SHISA6: variants seen among roughly 807,000 people sequenced by gnomAD.
SHISA6 encodes protein shisa-6.
SHISA6 carries 22 observed loss-of-function variants against 47.9 expected under a neutral mutation model. The ratio of observed to expected loss-of-function variants is 0.46; its 90% CI spans 0.33 to 0.66. SHISA6 has a LOEUF of 0.66. Ranked by LOEUF, SHISA6 falls within the 30% of genes least tolerant of loss-of-function variation. The pLI is 0.02. For missense variants in SHISA6, 680 were observed against 764.6 expected (o/e 0.89, Z 1.30); for synonymous variants, 388 against 337.8 (o/e 1.15, Z -1.63).
chr17:11,355,090 G>A (rs1281817826), intron 2 of SHISA6, among the ~76,000 whole-genome samples: 1 of 152,224 alleles, frequency 6.6e-6, no homozygotes, highest in East Asian at 1.9e-4. Context: ...TCACATGAGA[G>A]TGAAGCCCTT....
At chr17:11,394,772 A>G (rs973096080) in intron 3 of SHISA6, among the ~76,000 whole-genome samples, 1 of 152,008 alleles carries the variant, frequency 6.6e-6, no homozygotes, top group Non-Finnish European at 1.5e-5. Flanking sequence ...GAATTTTCCA[A>G]ATTTTAACAT....
At chr17:11,354,209 G>A (rs1468156001) in intron 2 of SHISA6, among the ~76,000 whole-genome samples, 2 of 152,180 alleles carry the variant, frequency 1.3e-5, no homozygotes, top group African/African-American at 4.8e-5. Context: ...AAATGTTGAT[G>A]TGCACAGGAA....
rs1914286426 is a variant in SHISA6, at chr17:11,416,505, C to T, written c.895+36996C>T. Among the ~76,000 whole-genome samples, 7 of 152,236 alleles carry T rather than the reference C, an allele frequency of 4.6e-5. No homozygotes were observed. In the South Asian group the frequency reaches 1.5e-3, roughly 32 times the overall value. ...GCAGAACTGTATGGATCTCAAAATC[C>T]ACTTATGAATATAATAATGTGTAGT... On this transcript the variant is annotated intron_variant, in intron 3 of 5. Transcript: ENST00000441885.
intron 2 of SHISA6, among the ~76,000 whole-genome samples, chr17:11,324,557 T>G (rs1910811588): frequency 6.6e-6 from 1 of 151,598 alleles, no homozygotes; most frequent in African/African-American, 2.4e-5. Flanking sequence ...GGACCTTGGG[T>G]GGTAGGCGGG....
chr17:11,279,625 A>G (rs1296867239), intron 2 of SHISA6, among the ~76,000 whole-genome samples: 2 of 152,048 alleles, frequency 1.3e-5, no homozygotes, highest in African/African-American at 2.4e-5. Context: ...GAGTCTTAGG[A>G]AGGCTGACTC....
chr17:11,383,273 T>G (rs2142248193), intron 3 of SHISA6, among the ~76,000 whole-genome samples: 1 of 152,198 alleles, frequency 6.6e-6, no homozygotes, highest in African/African-American at 2.4e-5. Context: ...AGAGGCAGCT[T>G]GGAGACAGAA....
chr17:11,324,320 A>C (rs1447695796), intron 2 of SHISA6, among the ~76,000 whole-genome samples: 1 of 152,184 alleles, frequency 6.6e-6, no homozygotes, highest in African/African-American at 2.4e-5. Context: ...TAGAAGGAAA[A>C]TTATCTGTGA....
At chr17:11,393,092 C>T (rs559045747) in intron 3 of SHISA6, among the ~76,000 whole-genome samples, 4 of 152,332 alleles carry the variant, frequency 2.6e-5, no homozygotes, top group South Asian at 4.1e-4. Context: ...ATGAGACATT[C>T]CTAGTCTTCA....
In SHISA6 at chr17:11,241,793, GCT is replaced by G; in HGVS notation, c.372_373del (p.Cys124Ter). 1 of 1,550,178 alleles carries G rather than the reference GCT, an allele frequency of 6.5e-7. No homozygotes were observed. The highest frequency in any genetic ancestry group is 8.7e-7 in the Non-Finnish European group (1 of 1,146,988). On this transcript the variant is annotated stop_gained and frameshift_variant, in exon 1 of 6. Coordinates refer to ENST00000441885, the MANE Select transcript of SHISA6 (RefSeq NM_207386.4). LOFTEE classifies it high-confidence loss of function. This position sits in a 1 kb window ranked among gnomAD's most constrained non-coding sequence, Gnocchi z 5.5. ...GGCTACCTGTACTGCTGCGGTACCTGCTACTACCGCTTCTGCTGCAAGAAGCG... is the reference window on the plus strand; with the variant it reads ...GGCTACCTGTACTGCTGCGGTACCTGACTACCGCTTCTGCTGCAAGAAGCG...
At chr17:11,484,635 G>A (rs2142333220) in intron 3 of SHISA6, among the ~76,000 whole-genome samples, 1 of 152,242 alleles carries the variant, frequency 6.6e-6, no homozygotes, top group Non-Finnish European at 1.5e-5. Context: ...CTGACCTCAA[G>A]TGATCCACCC....
At chr17:11,496,034 A>C (rs11870702) in intron 3 of SHISA6, among the ~76,000 whole-genome samples, 33 of 120,888 alleles carry the variant, frequency 2.7e-4, no homozygotes, top group African/African-American at 9.7e-4. Flanking sequence ...TCCATCCATC[A>C]CACAACAGAT....
rs1311671363 is a variant in SHISA6, at chr17:11,242,081, G to A, written c.638+21G>A. 3.9e-6 allele frequency: 6 copies of A among 1,548,644 alleles called. No individual in the cohort carries two copies. The East Asian group carries it at 9.8e-5, about 25-fold the overall frequency. On this transcript the variant is annotated intron_variant, in intron 1 of 5. Transcript: ENST00000441885. ...CACAGGTGAGAGCGCCGCGTGCCGC[G>A]CGCCCCGGTCTCCCCGCGGCCTCAC...
At position 11,427,115 on chromosome 17, in the gene SHISA6, T is replaced by G. The variant is rs779782025; in HGVS notation, c.895+47606T>G. On this transcript the variant is annotated intron_variant, in intron 3 of 5. Coordinates refer to ENST00000441885, the MANE Select transcript of SHISA6 (RefSeq NM_207386.4). ...GGTCAGAGACACCCAGAACAACCCC[T>G]CTTTCGTATGTTTGTTGTTGTTGTT... Among the ~76,000 whole-genome samples the G allele has an allele frequency of 1.6e-4, 24 of 152,006 alleles. 1 individual carries two copies. Among genetic ancestry groups the G allele is most frequent in the Admixed American group, 5.3e-4 (8 of 15,224 alleles).
chr17:11,536,056 C>T (rs973823637), intron 3 of SHISA6, among the ~76,000 whole-genome samples: 9 of 142,578 alleles, frequency 6.3e-5, no homozygotes, highest in Admixed American at 4.4e-4. Context: ...TTTTCCCAAA[C>T]GTGATAAATA....
At chr17:11,493,914 A>AT (rs60787178) in intron 3 of SHISA6, among the ~76,000 whole-genome samples, 70,404 of 149,800 alleles carry the variant, frequency 0.47, 16,431 homozygotes, top group East Asian at 0.55. Context: ...TCTCCCTTCT[A>AT]TTTTTTTTTT....
chr17:11,256,088 C>T (rs548913965), intron 1 of SHISA6, among the ~76,000 whole-genome samples: 37 of 152,166 alleles, frequency 2.4e-4, no homozygotes, highest in Non-Finnish European at 4.7e-4. Flanking sequence ...GCCAAGTGGC[C>T]AGCATTCCAA....
intron 3 of SHISA6, among the ~76,000 whole-genome samples, chr17:11,505,817 G>A (rs552765134): frequency 2.0e-5 from 3 of 152,176 alleles, no homozygotes; most frequent in Non-Finnish European, 4.4e-5. Flanking sequence ...GGAAGCCAGA[G>A]AATCAACAAC....
At chr17:11,289,982 A>G (rs923615530) in intron 2 of SHISA6, 2 of 152,182 alleles carry the variant, frequency 1.3e-5, no homozygotes, top group African/African-American at 4.8e-5. Flanking sequence ...AGTAGGTATA[A>G]CTGAATCCTA....
chr17:11,505,187 T>C (rs767191982), intron 3 of SHISA6, among the ~76,000 whole-genome samples: 1 of 152,226 alleles, frequency 6.6e-6, no homozygotes, highest in African/African-American at 2.4e-5. Context: ...CTCTCTCCTT[T>C]CTTTTCCAAA....
Sources: allele counts gnomAD v4.1 joint callset (sites outside exome capture counted in the v4.1 genomes callset), GRCh38; gene constraint gnomAD v4.1.1; non-coding constraint Gnocchi (gnomAD v3.1); transcripts MANE v1.5; gene names NCBI Gene and HGNC (gene_info 2026-07-23, HGNC 2026-07-21).